Variants in AFG1L observed in about 807,000 individuals in gnomAD.
AFG1L encodes AFG1 like ATPase.
In AFG1L, 53 loss-of-function variants were observed where a neutral mutation model predicts 62.2. The observed-to-expected ratio is 0.85, with a 90% CI of 0.68 to 1.07. The LOEUF (loss-of-function observed/expected upper bound fraction) is 1.07. Among genes scored for constraint, AFG1L ranks in the 50% least tolerant of loss-of-function variants. AFG1L has a pLI of 0.00. For synonymous variants in AFG1L, 228 were observed against 210.3 expected, an observed-to-expected ratio of 1.08 and a Z score of -0.73; for missense variants, 555 against 590.5, an observed-to-expected ratio of 0.94 and a Z score of 0.62.
chr6:108,369,086 G>A (rs1186953901), intron 6 of AFG1L, among the ~76,000 whole-genome samples: 10 of 152,112 alleles, frequency 6.6e-5, no homozygotes, highest in Admixed American at 6.6e-4. Context: ...TTAAAGTAAT[G>A]AAGATGACAT....
intron 1 of AFG1L, among the ~76,000 whole-genome samples, chr6:108,306,376 T>C (rs1014174602): frequency 1.3e-5 from 2 of 152,218 alleles, no homozygotes; most frequent in Non-Finnish European, 2.9e-5. Flanking sequence ...GGATGAAATT[T>C]GAGCATTTAT....
At chr6:108,332,762 C>T (rs1394931491) in intron 2 of AFG1L, among the ~76,000 whole-genome samples, 1 of 152,024 alleles carries the variant, frequency 6.6e-6, no homozygotes, top group East Asian at 1.9e-4. Context: ...TGCATACCAC[C>T]ATGCCTGGCT....
intron 8 of AFG1L, among the ~76,000 whole-genome samples, chr6:108,472,806 TTTTC>T (rs1174346090): frequency 6.8e-6 from 1 of 147,138 alleles, no homozygotes; most frequent in African/African-American, 2.5e-5. Flanking sequence ...TTTTCTTTTC[TTTTC>T]TTTTTTTTTT....
chr6:108,399,396 C>T (rs532057856), intron 6 of AFG1L, among the ~76,000 whole-genome samples: 206 of 151,842 alleles, frequency 1.4e-3, no homozygotes, highest in African/African-American at 4.7e-3. Context: ...CCGTGTTGGC[C>T]AGGATGGTCT....
At chr6:108,399,169 C>CTTTT (rs1781442781) in intron 6 of AFG1L, among the ~76,000 whole-genome samples, 2 of 107,454 alleles carry the variant, frequency 1.9e-5, no homozygotes, top group African/African-American at 8.3e-5. Context: ...TCTGTCACTT[C>CTTTT]TTTTGTTTGT....
chr6:108,421,126 C>A (rs1239740240), intron 7 of AFG1L, among the ~76,000 whole-genome samples: 1 of 152,066 alleles, frequency 6.6e-6, no homozygotes, highest in South Asian at 2.1e-4. Flanking sequence ...ATAAACATTT[C>A]ATTTAGATCA....
chr6:108,521,010 A>G (rs1775104729), intron 12 of AFG1L: 1 of 152,150 alleles, frequency 6.6e-6, no homozygotes. Flanking sequence ...CAATACCATC[A>G]CCTTATGGGT....
intron 7 of AFG1L, among the ~76,000 whole-genome samples, chr6:108,441,712 A>ATAT (rs1554198359): frequency 1.4e-3 from 199 of 139,494 alleles, no homozygotes; most frequent in African/African-American, 4.9e-3. Flanking sequence ...AAAAAAAAAA[A>ATAT]ATATATATAT....
intron 1 of AFG1L, among the ~76,000 whole-genome samples, chr6:108,303,620 G>T (rs148515728): frequency 4.7e-4 from 72 of 152,208 alleles, no homozygotes; most frequent in Non-Finnish European, 1.0e-3. Flanking sequence ...CATCCCAGAA[G>T]CTACTCTATG....
At chr6:108,499,459 CAGG>C (rs1481734917) in intron 10 of AFG1L, among the ~76,000 whole-genome samples, 2 of 151,328 alleles carry the variant, frequency 1.3e-5, no homozygotes, top group Admixed American at 6.6e-5. Flanking sequence ...TAATCCAGGC[CAGG>C]CATGGTTGCT....
At chr6:108,455,589 T>C (rs778212463) in intron 8 of AFG1L, among the ~76,000 whole-genome samples, 3 of 152,204 alleles carry the variant, frequency 2.0e-5, no homozygotes, top group Admixed American at 6.5e-5. Flanking sequence ...ATTAAGTCCT[T>C]GATTTTAAAC....
At chr6:108,327,148 C>T (rs1778077716) in intron 2 of AFG1L, among the ~76,000 whole-genome samples, 1 of 151,988 alleles carries the variant, frequency 6.6e-6, no homozygotes, top group Admixed American at 6.6e-5. Context: ...AATAAAGCTC[C>T]TGAGAGTATA....
At chr6:108,467,105 T>A (rs1384769015) in intron 8 of AFG1L, among the ~76,000 whole-genome samples, 1 of 152,192 alleles carries the variant, frequency 6.6e-6, no homozygotes. Context: ...CCAATGTCAG[T>A]GCAAAATCAA....
At chr6:108,391,215 A>G (rs1413910624) in intron 6 of AFG1L, among the ~76,000 whole-genome samples, 2 of 152,168 alleles carry the variant, frequency 1.3e-5, no homozygotes, top group African/African-American at 4.8e-5. Context: ...GAATCTTCAC[A>G]TTAGTGGTTG....
intron 10 of AFG1L, among the ~76,000 whole-genome samples, chr6:108,482,986 G>T (rs1038355996): frequency 6.6e-5 from 10 of 152,018 alleles, no homozygotes; most frequent in African/African-American, 2.4e-4. Flanking sequence ...TAGCATCAAA[G>T]AATATCCACA....
rs1418936115 is a variant in AFG1L at position 108,388,933 on chromosome 6, G to A, written c.749-13063G>A. Among the ~76,000 whole-genome samples, 4 of 152,308 alleles carry A rather than the reference G, an allele frequency of 2.6e-5. No homozygotes were observed. In the East Asian group the frequency reaches 5.8e-4, roughly 22 times the overall value. On this transcript the variant is annotated intron_variant, in intron 6 of 12. Coordinates refer to ENST00000368977, the MANE Select transcript of AFG1L (RefSeq NM_145315.5). ...CTGAGTTCAATTCCTGGGTATCCTT[G>A]TTAACTTTCTGTCTTGTTGATCTGT...
At chr6:108,369,278 A>C (rs566395281) in intron 6 of AFG1L, among the ~76,000 whole-genome samples, 1 of 152,168 alleles carries the variant, frequency 6.6e-6, no homozygotes, top group African/African-American at 2.4e-5. Flanking sequence ...CTGCATCCAG[A>C]TTGTAGTGGT....
intron 6 of AFG1L, among the ~76,000 whole-genome samples, chr6:108,374,719 T>C (rs1482126404): frequency 1.3e-5 from 2 of 152,220 alleles, no homozygotes; most frequent in Non-Finnish European, 2.9e-5. Flanking sequence ...TACCATGCTA[T>C]TTTGGTTACC....
intron 7 of AFG1L, among the ~76,000 whole-genome samples, chr6:108,423,465 G>C (rs1387299818): frequency 1.3e-5 from 2 of 151,948 alleles, no homozygotes; most frequent in Non-Finnish European, 2.9e-5. Context: ...CAATAGTTTG[G>C]CTTAAGTTTT....
Sources: gnomAD v4.1 joint callset for allele counts (sites outside exome capture counted in the v4.1 genomes callset) on GRCh38, gnomAD v4.1.1 for gene constraint, MANE v1.5 for transcripts, NCBI Gene and HGNC (gene_info 2026-07-23, HGNC 2026-07-21) for gene names.